The following GABBR2 variants were observed in gnomAD, a reference collection of about 807,000 sequenced individuals.
GABBR2 encodes gamma-aminobutyric acid type B receptor subunit 2.
A neutral mutation model predicts 105.6 loss-of-function variants in GABBR2; 23 were observed. That is an observed-to-expected ratio of 0.22 (90% CI 0.16 to 0.31). The LOEUF (loss-of-function observed/expected upper bound fraction) is 0.31. Ranked by LOEUF, GABBR2 falls within the 10% of genes least tolerant of loss-of-function variation. GABBR2 has a pLI of 1.00. For missense variants in GABBR2, 734 were observed against 1,245.5 expected, an observed-to-expected ratio of 0.59 and a Z score of 6.18; for synonymous variants, 478 against 499.7, an observed-to-expected ratio of 0.96 and a Z score of 0.58.
intron 1 of GABBR2, among the ~76,000 whole-genome samples, chr9:98,588,871 G>A (rs1417353365): frequency 6.6e-6 from 1 of 152,200 alleles, no homozygotes; most frequent in African/African-American, 2.4e-5. Context: ...CATCCACAGT[G>A]TGAGTGGGGA....
chr9:98,501,656 C>G (rs189282402), intron 3 of GABBR2, among the ~76,000 whole-genome samples: 1 of 152,050 alleles, frequency 6.6e-6, no homozygotes, highest in Non-Finnish European at 1.5e-5. Flanking sequence ...GACCAAGAAC[C>G]CTTTAGGGAG....
At chr9:98,316,063 C>T (rs573248636) in intron 13 of GABBR2, among the ~76,000 whole-genome samples, 10 of 152,324 alleles carry the variant, frequency 6.6e-5, no homozygotes, top group Non-Finnish European at 1.0e-4. Context: ...GCCCGGGCTT[C>T]GGCCTCTTCT....
chr9:98,476,973 T>A (rs1356865037), intron 5 of GABBR2, among the ~76,000 whole-genome samples: 1 of 152,224 alleles, frequency 6.6e-6, no homozygotes, highest in Non-Finnish European at 1.5e-5. Context: ...CATTGTCTAA[T>A]GCAACTGTGG....
intron 1 of GABBR2, among the ~76,000 whole-genome samples, chr9:98,603,079 G>A (rs1230709327): frequency 6.6e-6 from 1 of 152,196 alleles, no homozygotes; most frequent in Non-Finnish European, 1.5e-5. Context: ...TGGTATTCTT[G>A]TTGTTGCTAA....
At chr9:98,598,009 G>A (rs940965886) in intron 1 of GABBR2, among the ~76,000 whole-genome samples, 3 of 152,016 alleles carry the variant, frequency 2.0e-5, no homozygotes, top group Non-Finnish European at 4.4e-5. Context: ...TTTTAATAGA[G>A]ATGGGGTTTC....
At chr9:98,300,802 A>G (rs558840879) in intron 16 of GABBR2, among the ~76,000 whole-genome samples, 3 of 152,286 alleles carry the variant, frequency 2.0e-5, no homozygotes, top group East Asian at 3.9e-4. Flanking sequence ...CTTGCCCCAT[A>G]CCCTGGAGGA....
intron 1 of GABBR2, among the ~76,000 whole-genome samples, chr9:98,651,145 T>C (rs957121903): frequency 1.3e-4 from 19 of 144,324 alleles, no homozygotes; most frequent in Non-Finnish European, 2.9e-4. Context: ...ACTGGTTTTT[T>C]TTTTTTTTTT....
At chr9:98,664,227 G>A (rs1241868393) in intron 1 of GABBR2, among the ~76,000 whole-genome samples, 1 of 152,150 alleles carries the variant, frequency 6.6e-6, no homozygotes. Flanking sequence ...AAAACAGTAC[G>A]GCATCCTGCT....
In GABBR2 at chr9:98,290,261, G is replaced by GTTTTTTTTTTTTT. The variant is rs113020513; in HGVS notation, c.*322_*323insAAAAAAAAAAAAA. ...GTTCTAGTGCCTCTCTCCTTGTCTA[G>GTTTTTTTTTTTTT]TTTTTTTGTTTTTTTTTTTTTTTTT... is the stretch of plus-strand genomic sequence containing the variant. On this transcript the variant is annotated 3_prime_UTR_variant, in exon 19 of 19. Coordinates refer to ENST00000259455, the MANE Select transcript of GABBR2 (RefSeq NM_005458.8). 8.2e-6 allele frequency: 1 copy of GTTTTTTTTTTTTT among 122,362 alleles called. No individual in the cohort carries two copies. The highest frequency in any genetic ancestry group is 2.9e-5 in the African/African-American group (1 of 35,068). 7.6% of individuals were successfully genotyped at this position (122,362 alleles called of 1,614,324 possible). A position where few individuals can be genotyped will look rare whatever the true frequency, so the allele number is the denominator to read the frequency against.
chr9:98,447,180 G>C (rs929196278), intron 7 of GABBR2, among the ~76,000 whole-genome samples: 3 of 134,366 alleles, frequency 2.2e-5, no homozygotes, highest in Non-Finnish European at 4.8e-5. Flanking sequence ...TCCTGCCTCA[G>C]CCTCCCAAGT....
At chr9:98,667,881 C>T (rs1264675857) in intron 1 of GABBR2, among the ~76,000 whole-genome samples, 1 of 152,244 alleles carries the variant, frequency 6.6e-6, no homozygotes, top group Non-Finnish European at 1.5e-5. Flanking sequence ...GTCCCCCCAG[C>T]TGCTAGGAAT....
intron 1 of GABBR2, among the ~76,000 whole-genome samples, chr9:98,698,173 T>G (rs1191021972): frequency 6.6e-6 from 1 of 152,166 alleles, no homozygotes; most frequent in African/African-American, 2.4e-5. Flanking sequence ...TTTGGCTAGA[T>G]TTTATCTGAA....
intron 3 of GABBR2, among the ~76,000 whole-genome samples, chr9:98,519,678 A>T (rs1479957838): frequency 6.6e-6 from 1 of 151,802 alleles, no homozygotes; most frequent in African/African-American, 2.4e-5. Flanking sequence ...CTCTTTCTAC[A>T]ATAGCCTATG....
chr9:98,347,427 A>G (rs1322695666), intron 13 of GABBR2, among the ~76,000 whole-genome samples: 1 of 151,918 alleles, frequency 6.6e-6, no homozygotes, highest in East Asian at 1.9e-4. Context: ...TAATCAAATT[A>G]TTTCATTTTT....
At chr9:98,669,068 T>C (rs1238202213) in intron 1 of GABBR2, among the ~76,000 whole-genome samples, 1 of 152,188 alleles carries the variant, frequency 6.6e-6, no homozygotes, top group Non-Finnish European at 1.5e-5. Flanking sequence ...CTTCCAGAAG[T>C]GGAATTACTG....
intron 14 of GABBR2, among the ~76,000 whole-genome samples, chr9:98,308,044 G>A (rs1830578049): frequency 6.6e-6 from 1 of 152,182 alleles, no homozygotes; most frequent in Non-Finnish European, 1.5e-5. Context: ...GACCAGCCTG[G>A]GCAAGGTGGT....
intron 5 of GABBR2, among the ~76,000 whole-genome samples, chr9:98,476,112 G>A (rs1036267617): frequency 1.3e-5 from 2 of 152,108 alleles, no homozygotes; most frequent in African/African-American, 4.8e-5. Context: ...ATATGAAAAG[G>A]CCTTCTGATC....
At chr9:98,422,798 T>A (rs965960750) in intron 7 of GABBR2, among the ~76,000 whole-genome samples, 4 of 142,222 alleles carry the variant, frequency 2.8e-5, no homozygotes, top group Non-Finnish European at 6.1e-5. Context: ...AGTGTGATGT[T>A]CCCCTTCCTG....
intron 7 of GABBR2, among the ~76,000 whole-genome samples, chr9:98,417,897 C>A (rs972722356): frequency 3.9e-5 from 6 of 152,028 alleles, no homozygotes; most frequent in African/African-American, 1.5e-4. Context: ...AGGAAATGTT[C>A]TAGGCAGAGG....
Sources: allele counts gnomAD v4.1 joint callset (sites outside exome capture counted in the v4.1 genomes callset), GRCh38; gene constraint gnomAD v4.1.1; transcripts MANE v1.5; gene names NCBI Gene and HGNC (gene_info 2026-07-23, HGNC 2026-07-21).